The following MON2 variants were observed in gnomAD, a reference collection of about 807,000 sequenced individuals.
MON2 encodes protein MON2 homolog.
Under a neutral mutation model 208.6 loss-of-function variants are expected in MON2, and 84 were observed. The observed-to-expected ratio is 0.40, with a 90% CI of 0.34 to 0.48. The LOEUF is 0.48. Among genes scored for constraint, MON2 ranks in the 20% least tolerant of loss-of-function variants. The probability of loss-of-function intolerance (pLI) is 0.59; values close to 1 mark genes in which losing one functional copy is unlikely to be tolerated. For missense variants in MON2, 1,611 were observed against 2,015.4 expected (o/e 0.80, Z 3.84); for synonymous variants, 660 against 694.0 (o/e 0.95, Z 0.77).
intron 1 of MON2, among the ~76,000 whole-genome samples, chr12:62,478,881 G>T (rs2069240344): frequency 6.6e-6 from 1 of 152,096 alleles, no homozygotes; most frequent in Non-Finnish European, 1.5e-5. Flanking sequence ...TGAGAAAAAG[G>T]TACAAGATAG....
chr12:62,568,669 C>CT (rs970356035), intron 29 of MON2, among the ~76,000 whole-genome samples: 3 of 151,684 alleles, frequency 2.0e-5, no homozygotes, highest in Non-Finnish European at 4.4e-5. Flanking sequence ...CATCTTTTTT[C>CT]TTTTTTTTGA....
intron 8 of MON2, among the ~76,000 whole-genome samples, chr12:62,513,578 T>G (rs902613615): frequency 2.0e-5 from 3 of 152,254 alleles, no homozygotes; most frequent in Admixed American, 6.5e-5. Flanking sequence ...CAAGCTTTTA[T>G]GCTCTGTTTC....
At chr12:62,548,944 A>G (rs2073620365) in intron 22 of MON2, among the ~76,000 whole-genome samples, 1 of 152,148 alleles carries the variant, frequency 6.6e-6, no homozygotes, top group Non-Finnish European at 1.5e-5. Context: ...TAAAAGAATG[A>G]GGAGCTCTTT....
intron 2 of MON2, among the ~76,000 whole-genome samples, chr12:62,485,409 A>G (rs1376553843): frequency 1.3e-5 from 2 of 152,224 alleles, no homozygotes; most frequent in African/African-American, 4.8e-5. Context: ...AAATGAAATT[A>G]AGATTTTTGG....
At chr12:62,488,576 G>A (rs2069932243) in intron 2 of MON2, among the ~76,000 whole-genome samples, 1 of 152,076 alleles carries the variant, frequency 6.6e-6, no homozygotes. Context: ...AAGTAAATTA[G>A]GATAGCAGTG....
At chr12:62,562,594 A>G (rs549305157) in intron 26 of MON2, among the ~76,000 whole-genome samples, 2 of 152,242 alleles carry the variant, frequency 1.3e-5, no homozygotes, top group South Asian at 4.1e-4. Flanking sequence ...CCTAACAGAA[A>G]AATGTATATT....
At chr12:62,532,826 A>G (rs977907856) in intron 12 of MON2, among the ~76,000 whole-genome samples, 156 bp downstream of exon 12, 2 of 152,214 alleles carry the variant, frequency 1.3e-5, no homozygotes, top group Non-Finnish European at 2.9e-5. Flanking sequence ...ACATGTGACT[A>G]TACTTTTTTC....
chr12:62,506,826 A>G (rs1056401924), intron 7 of MON2, among the ~76,000 whole-genome samples: 11 of 152,144 alleles, frequency 7.2e-5, no homozygotes, highest in Non-Finnish European at 1.2e-4. Flanking sequence ...GATTAGGTCA[A>G]ATGATTTTTG....
chr12:62,547,164 G>GCT (rs1468149017), intron 22 of MON2, 92 bp downstream of exon 22: 28 of 848,722 alleles, frequency 3.3e-5, no homozygotes, highest in Non-Finnish European at 4.5e-5. Context: ...TAGAGGTAGA[G>GCT]AAGGACTCCA....
chr12:62,545,160 A>T, intron 21 of MON2, 152 bp downstream of exon 21: 1 of 497,520 alleles, frequency 2.0e-6, no homozygotes, highest in Non-Finnish European at 3.5e-6. Flanking sequence ...TCTCTTACAT[A>T]AGGTAAGAGA....
intron 19 of MON2, among the ~76,000 whole-genome samples, chr12:62,539,466 A>G (rs996690025): frequency 1.7e-4 from 26 of 151,512 alleles, no homozygotes; most frequent in African/African-American, 5.6e-4. Flanking sequence ...ACAAGGTTTC[A>G]CTGTGTTAGC....
chr12:62,532,703 AT>A (rs1344981649), intron 12 of MON2, 33 bp downstream of exon 12: 3 of 1,540,882 alleles, frequency 1.9e-6, no homozygotes, highest in South Asian at 2.3e-5. Flanking sequence ...TTTATTGGAA[AT>A]AATTTGAAAT....
At chr12:62,549,884 G>C in intron 23 of MON2, 54 bp downstream of exon 23, 1 of 1,196,608 alleles carries the variant, frequency 8.4e-7, no homozygotes, top group Non-Finnish European at 1.1e-6. Flanking sequence ...TTGTTATTCA[G>C]TTGGGAGTGA....
chr12:62,594,937 G>A lies in MON2; in HGVS notation c.*2188G>A, dbSNP rs1274216472. ...CACTACAGTAATTGATTGCTGGCAT[G>A]GAACACATTGCCCTTGTCTTGTTAG... On this transcript the variant is annotated 3_prime_UTR_variant, in exon 35 of 35. Coordinates refer to ENST00000393630, the MANE Select transcript of MON2 (RefSeq NM_015026.3). 6.6e-6 allele frequency: 1 copy of A among 152,138 alleles called. No individual in the cohort carries two copies. Among genetic ancestry groups the A allele is most frequent in the African/African-American group, 2.4e-5 (1 of 41,432 alleles). 9.4% of individuals were successfully genotyped at this position (152,138 alleles called of 1,614,324 possible).
chr12:62,537,428 C>G (rs1398687137), intron 15 of MON2, among the ~76,000 whole-genome samples, 165 bp downstream of exon 15: 1 of 152,152 alleles, frequency 6.6e-6, no homozygotes, highest in Non-Finnish European at 1.5e-5. Flanking sequence ...ATTACTGTAA[C>G]CAATATGATA....
At chr12:62,536,104 A>G (rs530774944) in intron 14 of MON2, among the ~76,000 whole-genome samples, 1 of 152,318 alleles carries the variant, frequency 6.6e-6, no homozygotes, top group South Asian at 2.1e-4. Flanking sequence ...GATCCTAAGC[A>G]TTTCGGATAA....
chr12:62,508,170 T>C, intron 7 of MON2, 116 bp from the exon 8 acceptor site: 1 of 739,680 alleles, frequency 1.4e-6, no homozygotes, highest in Non-Finnish European at 2.2e-6. Flanking sequence ...ATAGTAAAGC[T>C]AAATTATTAA....
chr12:62,531,020 T>C (rs2072611800), intron 11 of MON2, among the ~76,000 whole-genome samples: 2 of 152,252 alleles, frequency 1.3e-5, no homozygotes, highest in Admixed American at 1.3e-4. Flanking sequence ...TGGCCATTTA[T>C]ATGTCATGTT....
intron 30 of MON2, among the ~76,000 whole-genome samples, chr12:62,574,290 C>A (rs2074699847): frequency 6.6e-6 from 1 of 152,116 alleles, no homozygotes; most frequent in Non-Finnish European, 1.5e-5. Flanking sequence ...TCCCATGAAA[C>A]AACTATTATT....
Sources: gnomAD v4.1 joint callset for allele counts (sites outside exome capture counted in the v4.1 genomes callset) on GRCh38, gnomAD v4.1.1 for gene constraint, MANE v1.5 for transcripts, NCBI Gene and HGNC (gene_info 2026-07-23, HGNC 2026-07-21) for gene names.